SGCD: variants seen among roughly 807,000 people sequenced by gnomAD.
The protein encoded by SGCD is delta-sarcoglycan.
SGCD carries 18 observed loss-of-function variants against 36.6 expected under a neutral mutation model. The observed-to-expected ratio is 0.49, with a 90% CI of 0.34 to 0.73. The LOEUF is 0.73. SGCD is among the 30% of genes least tolerant of loss of function. SGCD has a pLI of 0.01. For synonymous variants in SGCD, 133 were observed against 130.6 expected (o/e 1.02, Z -0.12); for missense variants, 387 against 346.7 (o/e 1.12, Z -0.92).
intron 1 of SGCD, among the ~76,000 whole-genome samples, chr5:155,936,947 C>A (rs908853325): frequency 1.3e-5 from 2 of 152,160 alleles, no homozygotes; most frequent in African/African-American, 4.8e-5. Context: ...CACACCTGGC[C>A]AGGCTGCAAC....
chr5:156,554,033 G>A (rs1758901570), intron 4 of SGCD, among the ~76,000 whole-genome samples: 1 of 152,154 alleles, frequency 6.6e-6, no homozygotes, highest in African/African-American at 2.4e-5. Flanking sequence ...GGTCAGCAGA[G>A]GTCTGAAAAC....
At chr5:156,558,125 T>TATATATATATATA (rs56304932) in intron 4 of SGCD, among the ~76,000 whole-genome samples, 3,544 of 107,134 alleles carry the variant, frequency 0.033, 255 homozygotes, top group Non-Finnish European at 0.039. Context: ...ATATATATAT[T>TATATATATATATA]ATTTAACTCT....
At chr5:155,925,931 T>TG (rs898016420) in intron 1 of SGCD, among the ~76,000 whole-genome samples, 11 of 151,746 alleles carry the variant, frequency 7.2e-5, no homozygotes, top group African/African-American at 1.9e-4. Flanking sequence ...CTTTTTTTTT[T>TG]TTGTTTTGTT....
chr5:155,802,792 T>C, the SGCD span, among the ~76,000 whole-genome samples: 2 of 152,310 alleles, frequency 1.3e-5, no homozygotes, highest in East Asian at 1.9e-4. Flanking sequence ...CCTGTATTTT[T>C]AGAGTTGGAG....
chr5:156,056,562 C>T (rs1450543828), intron 1 of SGCD, among the ~76,000 whole-genome samples: 1 of 138,930 alleles, frequency 7.2e-6, no homozygotes, highest in Non-Finnish European at 1.6e-5. Flanking sequence ...GCAAGAAGAA[C>T]ACACTTTGAT....
intron 3 of SGCD, among the ~76,000 whole-genome samples, chr5:156,404,241 G>A (rs1361298766): frequency 6.6e-6 from 1 of 152,156 alleles, no homozygotes; most frequent in Admixed American, 6.5e-5. Flanking sequence ...TGTATATAAT[G>A]TCATCTTCAT....
the SGCD span, among the ~76,000 whole-genome samples, chr5:155,825,412 T>G: frequency 1.3e-4 from 20 of 152,184 alleles, no homozygotes; most frequent in East Asian, 7.7e-4. Flanking sequence ...GCCCTCTGCG[T>G]TATATCATCC....
At chr5:156,541,591 C>T (rs975660170) in intron 4 of SGCD, among the ~76,000 whole-genome samples, 1 of 152,024 alleles carries the variant, frequency 6.6e-6, no homozygotes, top group Non-Finnish European at 1.5e-5. Context: ...TTAGTCTTGC[C>T]TAGGTCATAA....
the SGCD span, among the ~76,000 whole-genome samples, chr5:155,826,339 C>T: frequency 6.6e-6 from 1 of 152,182 alleles, no homozygotes; most frequent in Non-Finnish European, 1.5e-5. Context: ...ATGAGATGAT[C>T]TTACTTCCCT....
intron 7 of SGCD, among the ~76,000 whole-genome samples, chr5:156,672,893 C>T (rs1367841359): frequency 6.6e-6 from 1 of 152,132 alleles, no homozygotes; most frequent in Non-Finnish European, 1.5e-5. Flanking sequence ...GCACTCGTCT[C>T]TACATTTTTC....
chr5:155,934,172 C>T (rs1053863474), intron 1 of SGCD, among the ~76,000 whole-genome samples: 15 of 152,190 alleles, frequency 9.9e-5, no homozygotes, highest in Non-Finnish European at 2.2e-4. Context: ...AGCCAAATCA[C>T]CAACTCATGG....
chr5:155,828,151 G>A, the SGCD span, among the ~76,000 whole-genome samples: 1 of 152,042 alleles, frequency 6.6e-6, no homozygotes, highest in African/African-American at 2.4e-5. Flanking sequence ...TTTAAAATAT[G>A]CATTATGGTG....
intron 3 of SGCD, among the ~76,000 whole-genome samples, chr5:156,271,929 G>A (rs1310933055): frequency 6.6e-6 from 1 of 152,118 alleles, no homozygotes; most frequent in Non-Finnish European, 1.5e-5. Context: ...AAAAGAAAGA[G>A]GGATAAAAAA....
chr5:155,960,878 A>G (rs1302599176), intron 1 of SGCD, among the ~76,000 whole-genome samples: 2 of 152,120 alleles, frequency 1.3e-5, no homozygotes, highest in Non-Finnish European at 2.9e-5. Context: ...GTAGTTTTCA[A>G]CTTCCGCTTG....
the SGCD span, among the ~76,000 whole-genome samples, chr5:155,731,809 C>T: frequency 2.0e-5 from 3 of 152,106 alleles, no homozygotes; most frequent in African/African-American, 2.4e-5. Flanking sequence ...CAATAGGGAC[C>T]GGAATGTGCT....
At chr5:156,441,510 A>G (rs968971985) in intron 3 of SGCD, among the ~76,000 whole-genome samples, 1 of 152,202 alleles carries the variant, frequency 6.6e-6, no homozygotes, top group Admixed American at 6.5e-5. Flanking sequence ...TAATCATTAC[A>G]TATGGTACAG....
chr5:156,155,123 C>G (rs1175358538), intron 3 of SGCD, among the ~76,000 whole-genome samples: 1 of 151,666 alleles, frequency 6.6e-6, no homozygotes, highest in Non-Finnish European at 1.5e-5. Flanking sequence ...TCTCTGGGAC[C>G]AGGCTTTTCT....
the SGCD span, among the ~76,000 whole-genome samples, chr5:155,766,055 G>C: frequency 2.0e-5 from 3 of 151,634 alleles, no homozygotes; most frequent in Non-Finnish European, 2.9e-5. Context: ...ACTTGGACTG[G>C]AAGAGGCTGG....
chr5:156,296,539 C>G (rs1304571034), intron 3 of SGCD, among the ~76,000 whole-genome samples: 2 of 152,108 alleles, frequency 1.3e-5, no homozygotes, highest in Non-Finnish European at 2.9e-5. Context: ...GTGATTTACT[C>G]TTTCATCTGT....
Sources: gnomAD v4.1 joint callset for allele counts (sites outside exome capture counted in the v4.1 genomes callset) on GRCh38, gnomAD v4.1.1 for gene constraint, MANE v1.5 for transcripts, NCBI Gene and HGNC (gene_info 2026-07-23, HGNC 2026-07-21) for gene names.